UVRAG: variants seen among roughly 807,000 people sequenced by gnomAD.
UVRAG encodes UV radiation resistance-associated gene protein.
In UVRAG, 19 loss-of-function variants were observed where a neutral mutation model predicts 78.0. The ratio of observed to expected loss-of-function variants is 0.24; its 90% CI spans 0.17 to 0.36. The LOEUF is 0.36. Ranked by LOEUF, UVRAG falls within the 10% of genes least tolerant of loss-of-function variation. The probability of loss-of-function intolerance (pLI) is 1.00; values close to 1 mark genes in which losing one functional copy is unlikely to be tolerated. For synonymous variants in UVRAG, 323 were observed against 324.6 expected (o/e 1.00, Z 0.05); for missense variants, 740 against 853.8 (o/e 0.87, Z 1.66).
At chr11:75,977,963 A>G (rs980640666) in intron 7 of UVRAG, among the ~76,000 whole-genome samples, 4 of 152,142 alleles carry the variant, frequency 2.6e-5, no homozygotes, top group Admixed American at 2.0e-4. Context: ...TCTTCCTAGC[A>G]TCGATGATCT....
intron 3 of UVRAG, among the ~76,000 whole-genome samples, chr11:75,875,150 T>C (rs1038415682): frequency 6.6e-6 from 1 of 152,216 alleles, no homozygotes; most frequent in East Asian, 1.9e-4. Context: ...AGCTACTCAT[T>C]TTATCATGTC....
intron 13 of UVRAG, among the ~76,000 whole-genome samples, chr11:76,101,958 A>G (rs1951886667): frequency 6.6e-6 from 1 of 152,184 alleles, no homozygotes; most frequent in African/African-American, 2.4e-5. Flanking sequence ...TTGTACCAGT[A>G]CGATGCTGTT....
intron 4 of UVRAG, among the ~76,000 whole-genome samples, chr11:75,882,962 T>TA (rs1946984175): frequency 4.6e-5 from 7 of 152,234 alleles, no homozygotes; most frequent in Non-Finnish European, 1.0e-4. Flanking sequence ...TGACTTTTGG[T>TA]TTAGGCCAGG....
At chr11:75,993,621 G>GT (rs1224754333) in intron 8 of UVRAG, among the ~76,000 whole-genome samples, 2 of 152,218 alleles carry the variant, frequency 1.3e-5, no homozygotes, top group Middle Eastern at 3.4e-3. Context: ...ATCAAAATTA[G>GT]TTTGCTGGAA....
intron 13 of UVRAG, among the ~76,000 whole-genome samples, chr11:76,102,798 A>G (rs575520073): frequency 1.1e-4 from 16 of 152,180 alleles, no homozygotes; most frequent in Non-Finnish European, 1.6e-4. Flanking sequence ...AATTTTATCA[A>G]AAGCCTTTTC....
chr11:76,103,647 T>G (rs1951921372), intron 13 of UVRAG, among the ~76,000 whole-genome samples: 1 of 151,720 alleles, frequency 6.6e-6, no homozygotes, highest in African/African-American at 2.4e-5. Flanking sequence ...TCAGAGGAAT[T>G]CCACAGAAAA....
At chr11:76,131,268 C>T (rs1387319925) in intron 14 of UVRAG, among the ~76,000 whole-genome samples, 5 of 152,118 alleles carry the variant, frequency 3.3e-5, no homozygotes, top group South Asian at 2.1e-4. Context: ...TCTTTATCTC[C>T]GTGGAGGATC....
chr11:76,070,711 A>G (rs1035257604), intron 13 of UVRAG, among the ~76,000 whole-genome samples: 1 of 152,198 alleles, frequency 6.6e-6, no homozygotes, highest in African/African-American at 2.4e-5. Flanking sequence ...AAGATACACT[A>G]GATCCCTGAT....
At chr11:75,985,800 G>A (rs1430169657) in intron 8 of UVRAG, among the ~76,000 whole-genome samples, 2 of 151,904 alleles carry the variant, frequency 1.3e-5, no homozygotes, top group Non-Finnish European at 2.9e-5. Context: ...TCACCATTGC[G>A]TTGCAGTTTT....
intron 13 of UVRAG, 167 bp from the exon 14 acceptor site, chr11:76,115,757 T>C (rs1201150323): frequency 1.7e-6 from 1 of 603,716 alleles, no homozygotes; most frequent in African/African-American, 1.9e-5. Context: ...CGTGCTTATC[T>C]ATATGTCAAA....
chr11:75,888,589 T>C (rs1947146589), intron 4 of UVRAG, among the ~76,000 whole-genome samples: 1 of 152,198 alleles, frequency 6.6e-6, no homozygotes, highest in African/African-American at 2.4e-5. Flanking sequence ...GTGAAAGATA[T>C]GTGAGTGATG....
chr11:75,877,988 C>A (rs1443939104), intron 3 of UVRAG, among the ~76,000 whole-genome samples: 1 of 147,024 alleles, frequency 6.8e-6, no homozygotes, highest in South Asian at 2.2e-4. Context: ...CCAGACGGGG[C>A]GGCTGCCGGG....
At chr11:75,969,238 A>G (rs1447856964) in intron 7 of UVRAG, among the ~76,000 whole-genome samples, 1 of 152,212 alleles carries the variant, frequency 6.6e-6, no homozygotes, top group Admixed American at 6.5e-5. Flanking sequence ...GAAATCATGC[A>G]GTGTATACCT....
chr11:76,000,745 C>T (rs1949798774), intron 8 of UVRAG, among the ~76,000 whole-genome samples: 1 of 152,010 alleles, frequency 6.6e-6, no homozygotes, highest in African/African-American at 2.4e-5. Context: ...AAGTAGACTT[C>T]AAAACAAGGA....
chr11:76,001,788 T>C (rs1413635760), intron 8 of UVRAG, among the ~76,000 whole-genome samples: 3 of 151,952 alleles, frequency 2.0e-5, no homozygotes. Flanking sequence ...CATTGAAAAA[T>C]AAAAAGGAGT....
At chr11:76,107,300 C>G (rs1951988826) in intron 13 of UVRAG, among the ~76,000 whole-genome samples, 1 of 152,148 alleles carries the variant, frequency 6.6e-6, no homozygotes, top group Non-Finnish European at 1.5e-5. Flanking sequence ...TAGAACTTGG[C>G]AGACTTGGAT....
At chr11:75,894,073 CA>C (rs1328362704) in intron 5 of UVRAG, among the ~76,000 whole-genome samples, 1 of 152,136 alleles carries the variant, frequency 6.6e-6, no homozygotes, top group Non-Finnish European at 1.5e-5. Context: ...AAGGGGTATA[CA>C]AATGGTTAAA....
chr11:75,819,996 T>C (rs2135800667), intron 1 of UVRAG, among the ~76,000 whole-genome samples: 1 of 152,100 alleles, frequency 6.6e-6, no homozygotes, highest in Non-Finnish European at 1.5e-5. Flanking sequence ...TTTATTTTTA[T>C]TTTTTTTAGA....
chr11:75,957,372 G>A (rs191932639), intron 6 of UVRAG, among the ~76,000 whole-genome samples: 106 of 150,206 alleles, frequency 7.1e-4, no homozygotes, highest in African/African-American at 2.0e-3. Context: ...TGCTATATAT[G>A]TGTAGGATTA....
Sources: allele counts gnomAD v4.1 joint callset (sites outside exome capture counted in the v4.1 genomes callset), GRCh38; gene constraint gnomAD v4.1.1; transcripts MANE v1.5; gene names NCBI Gene and HGNC (gene_info 2026-07-23, HGNC 2026-07-21).